Variants in TNFRSF10C observed in about 807,000 individuals in gnomAD.
TNFRSF10C encodes the protein tumor necrosis factor receptor superfamily member 10C.
TNFRSF10C carries 17 observed loss-of-function variants against 16.7 expected under a neutral mutation model. The observed-to-expected ratio is 1.02, with a 90% CI of 0.70 to 1.53. The LOEUF is 1.53. Among genes scored for constraint, TNFRSF10C ranks in the 40% most tolerant of loss-of-function variants. TNFRSF10C has a pLI of 0.00. For synonymous variants in TNFRSF10C, 73 were observed against 119.7 expected, an observed-to-expected ratio of 0.61 and a Z score of 2.55; for missense variants, 237 against 329.7, an observed-to-expected ratio of 0.72 and a Z score of 2.18.
intron 1 of TNFRSF10C, among the ~76,000 whole-genome samples, chr8:23,106,151 C>T (rs2128829904): frequency 6.6e-6 from 1 of 152,274 alleles, no homozygotes; most frequent in Admixed American, 6.5e-5. Flanking sequence ...TTTGGGAGGA[C>T]AAATGAACCC....
intron 1 of TNFRSF10C, among the ~76,000 whole-genome samples, chr8:23,109,006 A>G (rs1813829609): frequency 6.6e-6 from 1 of 152,260 alleles, no homozygotes; most frequent in Non-Finnish European, 1.5e-5. Flanking sequence ...AGGAAATCAA[A>G]AGGGAAGGTA....
rs368955267 is a variant in TNFRSF10C, at chr8:23,114,815, A to C, written c.280+45A>C. The C allele has an allele frequency of 1.1e-5, 17 of 1,552,554 alleles. No individual in the cohort carries two copies. In the African/African-American group the frequency reaches 2.4e-4, roughly 22 times the overall value. On this transcript the variant is annotated intron_variant, in intron 3 of 4. Transcript: ENST00000356864. ...CTTGTCCAGAGGTGGAGCGTGGGGCAATGAGGTGGGAGTTGTAGCCGATAT... is the reference window on the plus strand; with the variant it reads ...CTTGTCCAGAGGTGGAGCGTGGGGCCATGAGGTGGGAGTTGTAGCCGATAT...
intron 1 of TNFRSF10C, among the ~76,000 whole-genome samples, chr8:23,106,308 C>T (rs1393751539): frequency 5.9e-5 from 9 of 152,120 alleles, no homozygotes; most frequent in Non-Finnish European, 4.4e-5. Context: ...TGGAGAGAGG[C>T]CATGCTGTTG....
chr8:23,103,403 C>T lies in TNFRSF10C; in HGVS notation c.60+222C>T, dbSNP rs543379283. ...GCAGAGAGGCGGTCCCCCTGGCTGC[C>T]CCGAGCCCGCGAAGGGAGGGAAGTT... is the stretch of plus-strand genomic sequence containing the variant. On this transcript the variant is annotated intron_variant, in intron 1 of 4. Transcript: ENST00000356864. 8.0e-6 allele frequency: 6 copies of T among 750,408 alleles called. No homozygotes were observed. In the South Asian group the frequency reaches 1.1e-4, roughly 13 times the overall value. The allele number at this position is 750,408 out of a possible 1,614,324, so 46.5% of individuals were successfully genotyped here. A position where few individuals can be genotyped will look rare whatever the true frequency, so the allele number is the denominator to read the frequency against.
At chr8:23,112,019 A>T (rs1464243980) in intron 2 of TNFRSF10C, among the ~76,000 whole-genome samples, 194 bp downstream of exon 2, 1 of 152,176 alleles carries the variant, frequency 6.6e-6, no homozygotes, top group Non-Finnish European at 1.5e-5. Flanking sequence ...AGCTGTATGG[A>T]TACAGAGCCC....
At chr8:23,106,421 CCA>C (rs1491254770) in intron 1 of TNFRSF10C, among the ~76,000 whole-genome samples, 1 of 149,366 alleles carries the variant, frequency 6.7e-6, no homozygotes, top group African/African-American at 2.5e-5. Context: ...AGATGCCCCC[CCA>C]CCCGATTTTT....
chr8:23,109,585 C>T (rs1183533873), intron 1 of TNFRSF10C, among the ~76,000 whole-genome samples: 4 of 150,726 alleles, frequency 2.7e-5, no homozygotes, highest in African/African-American at 4.9e-5. Flanking sequence ...TGCAGTGAGC[C>T]GAGATTGTGC....
intron 1 of TNFRSF10C, among the ~76,000 whole-genome samples, chr8:23,109,462 C>G (rs1813838982): frequency 6.6e-6 from 1 of 151,682 alleles, no homozygotes. Flanking sequence ...ACGGTGAAAC[C>G]CTGTCTCTAC....
Position 23,117,231 on chromosome 8 carries a change from C to A in TNFRSF10C, c.*200C>A. The A allele has an allele frequency of 1.3e-6, 1 of 780,346 alleles. No homozygotes were observed. The highest frequency in any genetic ancestry group is 2.0e-6 in the Non-Finnish European group (1 of 500,314). 48.3% of individuals were successfully genotyped at this position (780,346 alleles called of 1,614,324 possible). ...CCTTGTGATCGTCCCATCCCCACAT[C>A]CCGTGCACCCCCCAGGACCCTGGTC... On this transcript the variant is annotated 3_prime_UTR_variant, in exon 5 of 5. Coordinates refer to ENST00000356864, the MANE Select transcript of TNFRSF10C (RefSeq NM_003841.5).
chr8:23,110,352 A>G (rs1005392368), intron 1 of TNFRSF10C, among the ~76,000 whole-genome samples: 4 of 152,230 alleles, frequency 2.6e-5, no homozygotes, highest in African/African-American at 9.6e-5. Context: ...ACTGAGCCCA[A>G]CATAAGCAGC....
intron 2 of TNFRSF10C, among the ~76,000 whole-genome samples, chr8:23,112,981 C>T (rs1339238790): frequency 1.3e-5 from 2 of 151,896 alleles, no homozygotes; most frequent in South Asian, 4.2e-4. Context: ...ACACTTGTTA[C>T]CTTTTGTCTT....
Position 23,115,606 on chromosome 8 carries a change from A to C in TNFRSF10C, c.379A>C (p.Lys127Gln). Residue 127 changes from lysine to glutamine, a missense_variant, in exon 4 of 5, where the codon AAG becomes CAG. Physicochemically the swap from Lys to Gln is moderately conservative, Grantham distance 53. Coordinates refer to ENST00000356864, the MANE Select transcript of TNFRSF10C (RefSeq NM_003841.5). ...RNENSPEMCR[K>Q]CSRCPSGEVQ... ...TGAAAACTCCCCAGAGATGTGCCGGAAGTGTAGCAGGTGAGACAGCAGTCA... is the reference window on the plus strand; with the variant it reads ...TGAAAACTCCCCAGAGATGTGCCGGCAGTGTAGCAGGTGAGACAGCAGTCA... The C allele has an allele frequency of 6.2e-7, 1 of 1,613,514 alleles. No individual in the cohort carries two copies. Among genetic ancestry groups the C allele is most frequent in the Non-Finnish European group, 8.5e-7 (1 of 1,179,686 alleles).
At chr8:23,105,855 G>A (rs1025004475) in intron 1 of TNFRSF10C, among the ~76,000 whole-genome samples, 5 of 152,164 alleles carry the variant, frequency 3.3e-5, no homozygotes, top group Admixed American at 6.5e-5. Context: ...CTAACAACCC[G>A]GGGAGATGAA....
Position 23,111,828 on chromosome 8 carries a change from G to T in TNFRSF10C, c.166+3G>T, listed in dbSNP as rs1478429421. The T allele has an allele frequency of 1.2e-6, 2 of 1,612,984 alleles. No individual in the cohort carries two copies. Among genetic ancestry groups the T allele is most frequent in the Non-Finnish European group, 1.7e-6 (2 of 1,179,208 alleles). On this transcript the variant is annotated splice_donor_region_variant and intron_variant, in intron 2 of 4. Transcript: ENST00000356864. Reference sequence around the variant, plus strand: ...CAAGGGGGAGGAGTGTCCAGCAGGTGCACTCTTATTTTTAAAAATCAGTTT... The same window carrying T: ...CAAGGGGGAGGAGTGTCCAGCAGGTTCACTCTTATTTTTAAAAATCAGTTT...
chr8:23,116,661 A>AAGTC lies in TNFRSF10C; in HGVS notation c.414_417dup (p.Asn140GlnfsTer2), dbSNP rs1423558462. The stretch of plus-strand genomic sequence containing the variant: ...CCCAGGTGCCCTAGTGGGGAAGTCC[A>AAGTC]AGTCAGTAATTGTACGTCCTGGGAT... On this transcript the variant is annotated frameshift_variant, in exon 5 of 5. Transcript: ENST00000356864. LOFTEE classifies it low-confidence loss of function (END_TRUNC). The AAGTC allele has an allele frequency of 6.2e-7, 1 of 1,613,944 alleles. No homozygotes were observed. Among genetic ancestry groups the AAGTC allele is most frequent in the Non-Finnish European group, 8.5e-7 (1 of 1,179,942 alleles).
rs375799203 is a variant in TNFRSF10C, at chr8:23,104,427, G to A, written c.60+1246G>A. 4.9e-4 allele frequency among the ~76,000 whole-genome samples: 75 copies of A among 152,266 alleles called. 3 individuals carry two copies. The South Asian group carries it at 0.015, about 31-fold the overall frequency. ...AGCCACATTTTAATTCACTGTTGCC[G>A]CCTAGGGGCAGCTGGTTAGATCCCA... On this transcript the variant is annotated intron_variant, in intron 1 of 4. Coordinates refer to ENST00000356864, the MANE Select transcript of TNFRSF10C (RefSeq NM_003841.5).
chr8:23,111,360 G>A (rs1333285252), intron 1 of TNFRSF10C, among the ~76,000 whole-genome samples: 1 of 152,028 alleles, frequency 6.6e-6, no homozygotes, highest in Non-Finnish European at 1.5e-5. Context: ...GGGATTACAG[G>A]TGTGTGCCAC....
intron 1 of TNFRSF10C, among the ~76,000 whole-genome samples, chr8:23,104,511 G>C (rs1195831081): frequency 6.1e-3 from 927 of 152,214 alleles, no homozygotes; most frequent in African/African-American, 0.019. Flanking sequence ...TATGTATCGT[G>C]TGTCCACATA....
intron 1 of TNFRSF10C, among the ~76,000 whole-genome samples, chr8:23,109,965 A>G (rs544742809): frequency 1.3e-5 from 2 of 148,234 alleles, no homozygotes; most frequent in Admixed American, 1.4e-4. Flanking sequence ...AGGTGGCAGG[A>G]CCACTTGAGC....
Sources: allele counts gnomAD v4.1 joint callset (sites outside exome capture counted in the v4.1 genomes callset), GRCh38; gene constraint gnomAD v4.1.1; transcripts MANE v1.5; gene names NCBI Gene and HGNC (gene_info 2026-07-23, HGNC 2026-07-21).